The following CNBD1 variants were observed in gnomAD, a reference collection of about 807,000 sequenced individuals.
The protein encoded by CNBD1 is cyclic nucleotide binding domain containing 1, also known as cyclic nucleotide-binding domain-containing protein 1.
A neutral mutation model predicts 54.4 loss-of-function variants in CNBD1; 71 were observed. The observed-to-expected ratio is 1.30, with a 90% CI of 1.08 to 1.59. The LOEUF (loss-of-function observed/expected upper bound fraction) is 1.59, where lower values mean the gene tolerates loss of function less well. Among genes scored for constraint, CNBD1 ranks in the 40% most tolerant of loss-of-function variants. The probability of loss-of-function intolerance (pLI) is 0.00; values close to 1 mark genes in which losing one functional copy is unlikely to be tolerated. For synonymous variants in CNBD1, 182 were observed against 170.7 expected, an observed-to-expected ratio of 1.07 and a Z score of -0.51; for missense variants, 659 against 518.0, an observed-to-expected ratio of 1.27 and a Z score of -2.64.
intron 4 of CNBD1, among the ~76,000 whole-genome samples, chr8:87,026,625 A>T (rs1187351793): frequency 1.3e-5 from 2 of 152,186 alleles, no homozygotes; most frequent in African/African-American, 4.8e-5. Flanking sequence ...TCACCAAACA[A>T]GATCCTTTCT....
intron 10 of CNBD1, among the ~76,000 whole-genome samples, chr8:87,354,049 C>A (rs1286230177): frequency 6.6e-6 from 1 of 152,058 alleles, no homozygotes; most frequent in Non-Finnish European, 1.5e-5. Flanking sequence ...AGGTTTGATG[C>A]AGGGGCTGCC....
intron 2 of CNBD1, among the ~76,000 whole-genome samples, chr8:87,390,286 G>T (rs1324306884): frequency 6.6e-6 from 1 of 152,072 alleles, no homozygotes; most frequent in Admixed American, 6.6e-5. Flanking sequence ...CACAGCAAAA[G>T]AAACTACCAT....
At chr8:87,257,516 T>C (rs957406002) in intron 6 of CNBD1, among the ~76,000 whole-genome samples, 3 of 152,126 alleles carry the variant, frequency 2.0e-5, no homozygotes, top group Non-Finnish European at 2.9e-5. Flanking sequence ...ATTTCTGCAA[T>C]TTATAAGTCA....
intron 5 of CNBD1, among the ~76,000 whole-genome samples, chr8:87,234,804 C>T (rs1586352216): frequency 1.3e-5 from 2 of 152,286 alleles, no homozygotes; most frequent in South Asian, 2.1e-4. Context: ...ATGTCATCAT[C>T]AACCTCTCCT....
rs1262536192 is a variant in CNBD1, at chr8:86,866,446, T to C, written c.-50T>C. 6 of 1,365,328 alleles carry C rather than the reference T, an allele frequency of 4.4e-6. No homozygotes were observed. The highest frequency in any genetic ancestry group is 6.2e-6 in the Non-Finnish European group (6 of 968,556). 84.6% of individuals were successfully genotyped at this position (1,365,328 alleles called of 1,614,324 possible). The stretch of plus-strand genomic sequence containing the variant: ...TGAGCCTGCAGGCAAAGAGTGATCA[T>C]TTGCCTCTCAAGCAGCCTCTGGTCA... On this transcript the variant is annotated 5_prime_UTR_variant, in exon 1 of 11. Transcript: ENST00000518476.
chr8:87,099,661 T>C (rs1032857165), intron 4 of CNBD1, among the ~76,000 whole-genome samples: 3 of 152,206 alleles, frequency 2.0e-5, no homozygotes, highest in African/African-American at 7.2e-5. Context: ...AATTTTTGTT[T>C]ATCTGAACAA....
At chr8:87,102,313 G>A (rs970562017) in intron 4 of CNBD1, among the ~76,000 whole-genome samples, 3 of 152,162 alleles carry the variant, frequency 2.0e-5, no homozygotes, top group Admixed American at 2.0e-4. Flanking sequence ...ACAGTAACAT[G>A]AGAAGGAAGG....
chr8:86,964,341 A>G (rs184700297), intron 4 of CNBD1, among the ~76,000 whole-genome samples: 145 of 152,240 alleles, frequency 9.5e-4, no homozygotes, highest in African/African-American at 2.9e-3. Context: ...GTGTTCTCCA[A>G]TGGTACTGCT....
At chr8:87,383,334 C>T (rs1197526627), downstream of CNBD1, among the ~76,000 whole-genome samples, 1 of 152,034 alleles carries the variant, frequency 6.6e-6, no homozygotes, top group Non-Finnish European at 1.5e-5. Context: ...TGGTGCCATG[C>T]CCATTTGATA....
intron 4 of CNBD1, among the ~76,000 whole-genome samples, chr8:86,977,999 A>G (rs1808380841): frequency 1.3e-5 from 2 of 152,166 alleles, no homozygotes; most frequent in Non-Finnish European, 2.9e-5. Context: ...ATACTAGTAA[A>G]CTAAACTCAA....
intron 4 of CNBD1, among the ~76,000 whole-genome samples, chr8:87,171,852 T>A (rs1813095721): frequency 6.6e-6 from 1 of 152,050 alleles, no homozygotes; most frequent in South Asian, 2.1e-4. Context: ...TTGGCCAGGC[T>A]GATCTTGAAC....
At chr8:87,264,710 A>G (rs1808212305) in intron 6 of CNBD1, among the ~76,000 whole-genome samples, 1 of 152,252 alleles carries the variant, frequency 6.6e-6, no homozygotes, top group Non-Finnish European at 1.5e-5. Context: ...GTGAGATGAT[A>G]TCTCATTGTG....
chr8:87,326,364 G>T (rs1267630636), intron 8 of CNBD1, among the ~76,000 whole-genome samples: 2 of 125,728 alleles, frequency 1.6e-5, no homozygotes, highest in Non-Finnish European at 3.6e-5. Flanking sequence ...TTGCTAGATT[G>T]GGGAAGTTCT....
chr8:87,363,872 G>A (rs1810577727), intron 10 of CNBD1, among the ~76,000 whole-genome samples: 1 of 151,572 alleles, frequency 6.6e-6, no homozygotes, highest in Admixed American at 6.6e-5. Flanking sequence ...GATCACATTT[G>A]TCAATTTTGG....
intron 8 of CNBD1, among the ~76,000 whole-genome samples, chr8:87,329,710 A>T (rs1365164291): frequency 1.3e-5 from 2 of 152,040 alleles, no homozygotes; most frequent in Non-Finnish European, 2.9e-5. Flanking sequence ...GTTTGTTGCT[A>T]GTATATAGGG....
chr8:86,905,658 G>C (rs1050301078), intron 3 of CNBD1, among the ~76,000 whole-genome samples: 1 of 152,104 alleles, frequency 6.6e-6, no homozygotes, highest in Non-Finnish European at 1.5e-5. Flanking sequence ...CCTACATTTA[G>C]ATGTGCTTTA....
At chr8:87,228,729 C>T (rs1814578539) in intron 5 of CNBD1, among the ~76,000 whole-genome samples, 1 of 151,934 alleles carries the variant, frequency 6.6e-6, no homozygotes, top group Non-Finnish European at 1.5e-5. Flanking sequence ...GTGGAGCCTA[C>T]AGAGGCAGGC....
intron 2 of CNBD1, among the ~76,000 whole-genome samples, chr8:87,388,499 A>G (rs1331770765): frequency 1.3e-5 from 2 of 152,250 alleles, no homozygotes; most frequent in Admixed American, 6.5e-5. Flanking sequence ...TAGAAAATCT[A>G]GAAGAAATGG....
intron 4 of CNBD1, among the ~76,000 whole-genome samples, chr8:87,013,135 A>T (rs943327753): frequency 1.3e-5 from 2 of 152,202 alleles, no homozygotes; most frequent in African/African-American, 4.8e-5. Flanking sequence ...GGGCCCATTG[A>T]AGCCCCACTG....
Sources: allele counts gnomAD v4.1 joint callset (sites outside exome capture counted in the v4.1 genomes callset), GRCh38; gene constraint gnomAD v4.1.1; transcripts MANE v1.5; gene names NCBI Gene and HGNC (gene_info 2026-07-23, HGNC 2026-07-21).